SPINDOC: variants seen among roughly 807,000 people sequenced by gnomAD.
SPINDOC encodes the protein spindlin interactor and repressor of chromatin-binding protein.
In SPINDOC, 13 loss-of-function variants were observed where a neutral mutation model predicts 30.7. The ratio of observed to expected loss-of-function variants is 0.42; its 90% CI spans 0.28 to 0.67. The LOEUF (loss-of-function observed/expected upper bound fraction) is 0.67, where lower values mean the gene tolerates loss of function less well. Ranked by LOEUF, SPINDOC falls within the 30% of genes least tolerant of loss-of-function variation. The pLI is 0.22. For synonymous variants in SPINDOC, 228 were observed against 211.4 expected, an observed-to-expected ratio of 1.08 and a Z score of -0.68; for missense variants, 438 against 518.0, an observed-to-expected ratio of 0.85 and a Z score of 1.50.
intron 1 of SPINDOC, 118 bp downstream of exon 1, chr11:63,813,931 C>CA: frequency 7.8e-7 from 1 of 1,288,322 alleles, no homozygotes; most frequent in East Asian, 2.9e-5. Context: ...CCTTGGGGCC[C>CA]AGGTTTCCCT....
chr11:63,816,752 C>T (rs1165318593), intron 1 of SPINDOC, among the ~76,000 whole-genome samples: 1 of 152,076 alleles, frequency 6.6e-6, no homozygotes, highest in African/African-American at 2.4e-5. Flanking sequence ...AGGGTGATGC[C>T]CTGTGAAAGC....
chr11:63,813,667 C>T lies in SPINDOC; in HGVS notation c.-20C>T. ...CTGCGCGCCAGTCCTCCGGCCACTGCTATCGCCCACGGCCGCACCATGGCC... is the reference window on the plus strand; with the variant it reads ...CTGCGCGCCAGTCCTCCGGCCACTGTTATCGCCCACGGCCGCACCATGGCC... On this transcript the variant is annotated 5_prime_UTR_variant, in exon 1 of 6. Coordinates refer to ENST00000294244, the MANE Select transcript of SPINDOC (RefSeq NM_138471.3). 6.5e-7 allele frequency: 1 copy of T among 1,536,088 alleles called. No homozygotes were observed.
In SPINDOC at chr11:63,817,936, G is replaced by C. The variant is rs778347823; in HGVS notation, c.259G>C (p.Gly87Arg). Residue 87 changes from glycine to arginine, a missense_variant, in exon 2 of 6, where the codon GGG becomes CGG. Physicochemically the swap from Gly to Arg is moderately radical, Grantham distance 125 (BLOSUM62 -2). This residue lies in a region of SPINDOC where 129 missense variants were observed against 152.7 expected (regional missense o/e 0.84). Coordinates refer to ENST00000294244, the MANE Select transcript of SPINDOC (RefSeq NM_138471.3). ...FLVGSSPGGS[G>R]RALCMVCGAE... The stretch of plus-strand genomic sequence containing the variant: ...GGTGGGCAGCAGCCCAGGAGGCAGC[G>C]GGCGGGCACTGTGCATGGTGTGTGG... The C allele has an allele frequency of 2.5e-6, 4 of 1,613,996 alleles. No homozygotes were observed. The African/African-American group carries it at 4.0e-5, about 16-fold the overall frequency.
chr11:63,820,270 C>T (rs1016776978), intron 5 of SPINDOC, among the ~76,000 whole-genome samples: 10 of 149,988 alleles, frequency 6.7e-5, no homozygotes, highest in East Asian at 3.9e-4. Flanking sequence ...TGGTGGCAGG[C>T]GCCTGTAATC....
At chr11:63,825,432 T>C (rs1167716265) in intron 5 of SPINDOC, among the ~76,000 whole-genome samples, 1 of 152,178 alleles carries the variant, frequency 6.6e-6, no homozygotes, top group Non-Finnish European at 1.5e-5. Flanking sequence ...GCTATCCTAT[T>C]ATCCTATCTC....
At chr11:63,826,234 C>A (rs1355917435) in intron 5 of SPINDOC, among the ~76,000 whole-genome samples, 1 of 152,192 alleles carries the variant, frequency 6.6e-6, no homozygotes, top group African/African-American at 2.4e-5. Context: ...TCATGCCCAG[C>A]CCTAATGTAA....
At chr11:63,819,029 G>A (rs1156764542) in intron 5 of SPINDOC, 27 bp downstream of exon 5, 84 of 1,565,382 alleles carry the variant, frequency 5.4e-5, no homozygotes, top group Non-Finnish European at 6.6e-5. Flanking sequence ...GGGAAGCACA[G>A]TAGGGACCTC....
chr11:63,818,583 C>T lies in SPINDOC; in HGVS notation c.664C>T (p.Pro222Ser), dbSNP rs1294300821. Residue 222 changes from proline to serine, a missense_variant, in exon 4 of 6, where the codon CCC (proline) becomes TCC (serine). Pro to Ser is a moderately conservative substitution (Grantham distance 74). Transcript: ENST00000294244. This position sits in a 1 kb window ranked among gnomAD's most constrained non-coding sequence, Gnocchi z 5.3. ...KKPRGQRWKE[P>S]PGEEPVRKKR... ...GCCCCGTGGTCAGAGATGGAAGGAA[C>T]CCCCAGGGGAAGAGCCAGTCAGAAA... 6.2e-7 allele frequency: 1 copy of T among 1,613,666 alleles called. No individual in the cohort carries two copies. Among genetic ancestry groups the T allele is most frequent in the East Asian group, 2.2e-5 (1 of 44,862 alleles).
intron 1 of SPINDOC, 84 bp downstream of exon 1, chr11:63,813,897 C>T: frequency 2.9e-6 from 4 of 1,393,378 alleles, no homozygotes; most frequent in Non-Finnish European, 3.7e-6. Context: ...GTCCGGGACC[C>T]GGGCACCTTC....
intron 5 of SPINDOC, chr11:63,822,832 T>A (rs1218146091): frequency 2.3e-6 from 3 of 1,289,164 alleles, no homozygotes; most frequent in Non-Finnish European, 3.0e-6. Context: ...GTGCGCAAAC[T>A]CCATCTATCT....
chr11:63,823,061 C>A, intron 5 of SPINDOC: 2 of 1,131,396 alleles, frequency 1.8e-6, no homozygotes, highest in Non-Finnish European at 2.4e-6. Flanking sequence ...GTTCCTGGAG[C>A]CTGTGCCCGA....
intron 1 of SPINDOC, among the ~76,000 whole-genome samples, chr11:63,817,184 A>G (rs890391822): frequency 6.7e-6 from 1 of 148,806 alleles, no homozygotes; most frequent in East Asian, 2.0e-4. Flanking sequence ...CCCATCTTTT[A>G]AAAAAAAAAT....
At chr11:63,821,300 G>A (rs896720438) in intron 5 of SPINDOC, among the ~76,000 whole-genome samples, 2 of 152,104 alleles carry the variant, frequency 1.3e-5, no homozygotes, top group South Asian at 2.1e-4. Flanking sequence ...CCTGGGTTCC[G>A]GCTCATCTGC....
At position 63,817,801 on chromosome 11, in the gene SPINDOC, GC is replaced by G; in HGVS notation, c.128-3del. 1 of 1,564,366 alleles carries G rather than the reference GC, an allele frequency of 6.4e-7. No homozygotes were observed. Among genetic ancestry groups the G allele is most frequent in the African/African-American group, 1.4e-5 (1 of 73,826 alleles). On this transcript the variant is annotated splice_polypyrimidine_tract_variant and splice_region_variant and intron_variant, in intron 1 of 5. Coordinates refer to ENST00000294244, the MANE Select transcript of SPINDOC (RefSeq NM_138471.3). ...GATAACACCCTCCCCCTCTCCCCTC[GC>G]AGTGACCCAACAGGAGAAGACCCCA...
intron 5 of SPINDOC, chr11:63,823,495 C>T: frequency 3.1e-6 from 1 of 320,342 alleles, no homozygotes. Context: ...AGGACCTTGC[C>T]AGAGGAGGAT....
chr11:63,820,398 CAAAA>C (rs201624522), intron 5 of SPINDOC, among the ~76,000 whole-genome samples: 8 of 53,842 alleles, frequency 1.5e-4, no homozygotes, highest in Admixed American at 2.0e-4. Flanking sequence ...ACTCTGTCTC[CAAAA>C]AAAAAAAAAA....
intron 5 of SPINDOC, 146 bp from the exon 6 acceptor site, chr11:63,826,782 T>C (rs2015663859): frequency 3.3e-6 from 2 of 614,498 alleles, no homozygotes; most frequent in Non-Finnish European, 5.9e-6. Flanking sequence ...CTGCCATCCT[T>C]GGGCTTCCCC....
Position 63,817,818 on chromosome 11 carries a change from G to A in SPINDOC, c.141G>A (p.Glu47=). The A allele has an allele frequency of 6.3e-7, 1 of 1,588,304 alleles. No homozygotes were observed. ...CTCCCCTCGCAGTGACCCAACAGGA[G>A]AAGACCCCACCGCCTAGACCCAGCC... ...PEPMLRVTQQ[E]KTPPPRPSPL... is the part of the protein sequence containing the mutation. The change falls in exon 2 of 6, where the codon GAG becomes GAA. Residue 47 remains glutamate, a synonymous_variant. Transcript: ENST00000294244.
chr11:63,821,061 CA>C (rs896038843), intron 5 of SPINDOC, among the ~76,000 whole-genome samples: 1 of 152,170 alleles, frequency 6.6e-6, no homozygotes, highest in African/African-American at 2.4e-5. Context: ...AAAAACAAAA[CA>C]AAACCCAAAT....
Sources: allele counts gnomAD v4.1 joint callset (sites outside exome capture counted in the v4.1 genomes callset), GRCh38; gene constraint gnomAD v4.1.1; regional missense constraint gnomAD v4.1.1; non-coding constraint Gnocchi (gnomAD v3.1); transcripts MANE v1.5; gene names NCBI Gene and HGNC (gene_info 2026-07-23, HGNC 2026-07-21).